The following FANCL variants were observed in gnomAD, a reference collection of about 807,000 sequenced individuals.
FANCL encodes the protein E3 ubiquitin-protein ligase FANCL.
FANCL carries 69 observed loss-of-function variants against 59.4 expected under a neutral mutation model. The ratio of observed to expected loss-of-function variants is 1.16; its 90% CI spans 0.96 to 1.42. The LOEUF is 1.42. FANCL is among the 40% of genes most tolerant of loss of function. The pLI, the probability that FANCL is intolerant of heterozygous loss-of-function variation, is 0.00. For missense variants in FANCL, 519 were observed against 447.2 expected (o/e 1.16, Z -1.45); for synonymous variants, 180 against 147.1 (o/e 1.22, Z -1.62).
intron 7 of FANCL, among the ~76,000 whole-genome samples, chr2:58,177,898 T>C (rs367892841): frequency 6.6e-6 from 1 of 150,644 alleles, no homozygotes; most frequent in Non-Finnish European, 1.5e-5. Flanking sequence ...AAAAAAATGA[T>C]GAAGGGGATA....
chr2:58,194,292 G>A (rs571605217), intron 7 of FANCL: 11 of 470,706 alleles, frequency 2.3e-5, no homozygotes, highest in Non-Finnish European at 3.5e-5. Context: ...AAGGAATTTC[G>A]TTTTTTTATA....
At position 58,163,501 on chromosome 2, in the gene FANCL, T is replaced by C. The variant is rs765265718; in HGVS notation, c.708A>G (p.Ile236Met). The change falls in exon 9 of 14, where the codon ATA (isoleucine) becomes ATG (methionine). Residue 236 changes from isoleucine to methionine, a missense_variant. Ile to Met is a conservative substitution (Grantham distance 10). Coordinates refer to ENST00000233741, the MANE Select transcript of FANCL (RefSeq NM_018062.4). ...RRIALGNNVS[I>M]NIEVDPRHPT... Reference sequence around the variant, plus strand: ...GATGCCTGGGGTCTACCTCTATATTTATGGAAACATTATTACCTAGAATGA... The same window carrying C: ...GATGCCTGGGGTCTACCTCTATATTCATGGAAACATTATTACCTAGAATGA... 2.5e-6 allele frequency: 4 copies of C among 1,601,198 alleles called. No homozygotes were observed. The highest frequency in any genetic ancestry group is 3.4e-6 in the Non-Finnish European group (4 of 1,168,626).
Position 58,232,078 on chromosome 2 carries a change from T to G in FANCL, c.131A>C (p.Glu44Ala). The stretch of plus-strand genomic sequence containing the variant: ...CCTTGCATTCTTCAGTTGTAAATCT[T>G]CAGGCAACACTATCCTAAGGTGGAA... Reference protein sequence around the residue: ...RDFHLRIVLPEDLQLKNARLL... With the variant: ...RDFHLRIVLPADLQLKNARLL... The change falls in exon 2 of 14, where the codon GAA becomes GCA. Residue 44 changes from glutamate (E) to alanine (A), a missense_variant. Physicochemically the swap from Glu to Ala is moderately radical, Grantham distance 107. Coordinates refer to ENST00000233741, the MANE Select transcript of FANCL (RefSeq NM_018062.4). 6.2e-7 allele frequency: 1 copy of G among 1,613,428 alleles called. No homozygotes were observed. Among genetic ancestry groups the G allele is most frequent in the South Asian group, 1.1e-5 (1 of 91,064 alleles).
At chr2:58,213,179 G>A (rs1691349637) in intron 5 of FANCL, among the ~76,000 whole-genome samples, 1 of 151,906 alleles carries the variant, frequency 6.6e-6, no homozygotes, top group Non-Finnish European at 1.5e-5. Context: ...TTAAGATTCT[G>A]TAAATACATT....
At chr2:58,167,428 T>C (rs1203211039) in intron 7 of FANCL, among the ~76,000 whole-genome samples, 4 of 152,188 alleles carry the variant, frequency 2.6e-5, no homozygotes, top group Admixed American at 1.3e-4. Context: ...TCTGTCTGTT[T>C]CTACATGTGT....
At chr2:58,166,124 TATA>T (rs1171762292) in intron 7 of FANCL, among the ~76,000 whole-genome samples, 1 of 148,944 alleles carries the variant, frequency 6.7e-6, no homozygotes, top group Admixed American at 6.7e-5. Context: ...ATTTTTTTAT[TATA>T]ATGCTTGATA....
At chr2:58,209,393 T>C (rs930673623) in intron 5 of FANCL, among the ~76,000 whole-genome samples, 6 of 152,138 alleles carry the variant, frequency 3.9e-5, no homozygotes, top group Admixed American at 1.3e-4. Flanking sequence ...TTTTTTTTAC[T>C]ACTAGATAAT....
rs185620488 is a variant in FANCL, at chr2:58,190,894, G to T, written c.540+7700C>A. ...TTATTTTGGCACAAAAAGATGAGGG[G>T]GGAATATTTTCTAGCTCTAAGTATT... On this transcript the variant is annotated intron_variant, in intron 7 of 13. Coordinates refer to ENST00000233741, the MANE Select transcript of FANCL (RefSeq NM_018062.4). Among the ~76,000 whole-genome samples, 6 of 151,944 alleles carry T rather than the reference G, an allele frequency of 3.9e-5. No homozygotes were observed. In the East Asian group the frequency reaches 9.6e-4, roughly 24 times the overall value.
At chr2:58,226,156 G>A (rs951950547) in intron 4 of FANCL, among the ~76,000 whole-genome samples, 1 of 152,004 alleles carries the variant, frequency 6.6e-6, no homozygotes. Context: ...TTAAAATTTG[G>A]TCAGGCCCAG....
chr2:58,189,545 G>A (rs1421240457), intron 7 of FANCL, among the ~76,000 whole-genome samples: 3 of 152,078 alleles, frequency 2.0e-5, no homozygotes, highest in Non-Finnish European at 4.4e-5. Context: ...ATATATGTGA[G>A]AACTAAGATG....
At chr2:58,233,562 T>C (rs114057378) in intron 1 of FANCL, among the ~76,000 whole-genome samples, 1 of 151,924 alleles carries the variant, frequency 6.6e-6, no homozygotes, top group Admixed American at 6.6e-5. Context: ...AAAAATCCCA[T>C]GTTTTCAGCC....
At chr2:58,166,114 AT>A (rs1367356724) in intron 7 of FANCL, among the ~76,000 whole-genome samples, 5 of 151,116 alleles carry the variant, frequency 3.3e-5, no homozygotes, top group South Asian at 4.2e-4. Flanking sequence ...AAAAATCATA[AT>A]TTTTTTATTA....
chr2:58,230,422 C>G (rs1014865380), intron 2 of FANCL, among the ~76,000 whole-genome samples: 3 of 152,092 alleles, frequency 2.0e-5, no homozygotes, highest in Non-Finnish European at 4.4e-5. Context: ...CCCGCCTCAG[C>G]CTCTCAAGTA....
At chr2:58,173,460 G>A (rs1323352651) in intron 7 of FANCL, among the ~76,000 whole-genome samples, 1 of 152,204 alleles carries the variant, frequency 6.6e-6, no homozygotes, top group East Asian at 1.9e-4. Context: ...CTACAAGCCA[G>A]AAGAGAGTGG....
chr2:58,175,797 A>G (rs1040244778), intron 7 of FANCL, among the ~76,000 whole-genome samples: 2 of 152,164 alleles, frequency 1.3e-5, no homozygotes, highest in Admixed American at 6.5e-5. Flanking sequence ...ATTAGGCAGG[A>G]GAAGGAAATA....
Position 58,204,789 on chromosome 2 carries a change from G to T in FANCL, c.375-563C>A, listed in dbSNP as rs189542705. On this transcript the variant is annotated intron_variant, in intron 5 of 13. Coordinates refer to ENST00000233741, the MANE Select transcript of FANCL (RefSeq NM_018062.4). ...CTAACAATAAATTTTCTTTCTGCAC[G>T]ATATATAGCTTCTGACACTTAACCT... Among the ~76,000 whole-genome samples the T allele has an allele frequency of 8.5e-5, 13 of 152,062 alleles. No individual in the cohort carries two copies. In the East Asian group the frequency reaches 2.3e-3, roughly 27 times the overall value.
chr2:58,238,222 T>C (rs967465433), intron 1 of FANCL, among the ~76,000 whole-genome samples: 1 of 152,170 alleles, frequency 6.6e-6, no homozygotes, highest in Non-Finnish European at 1.5e-5. Flanking sequence ...CCAAGACAAT[T>C]CTTCTTCTTC....
At position 58,171,923 on chromosome 2, in the gene FANCL, G is replaced by A. The variant is rs958373337; in HGVS notation, c.541-6049C>T. Among the ~76,000 whole-genome samples the A allele has an allele frequency of 7.2e-5, 11 of 152,208 alleles. No homozygotes were observed. The East Asian group carries it at 1.7e-3, about 24-fold the overall frequency. ...CACCCCAATACTGCGCTTTTCCGAC[G>A]GGTTTAAAAAACGGCACACCAGGAG... is the stretch of plus-strand genomic sequence containing the variant. On this transcript the variant is annotated intron_variant, in intron 7 of 13. Transcript: ENST00000233741.
chr2:58,188,494 G>A (rs973335967), intron 7 of FANCL, among the ~76,000 whole-genome samples: 3 of 151,804 alleles, frequency 2.0e-5, no homozygotes, highest in East Asian at 1.9e-4. Context: ...CTGAAGTGCA[G>A]TGGCATGATC....
Sources: gnomAD v4.1 joint callset for allele counts (sites outside exome capture counted in the v4.1 genomes callset) on GRCh38, gnomAD v4.1.1 for gene constraint, MANE v1.5 for transcripts, NCBI Gene and HGNC (gene_info 2026-07-23, HGNC 2026-07-21) for gene names.